RORA: variants seen among roughly 807,000 people sequenced by gnomAD.
RORA encodes the protein RAR related orphan receptor A.
RORA carries 7 observed loss-of-function variants against 69.5 expected under a neutral mutation model. That is an observed-to-expected ratio of 0.10 (90% confidence interval 0.06 to 0.19). The LOEUF (loss-of-function observed/expected upper bound fraction) is 0.19, where lower values mean the gene tolerates loss of function less well. Ranked by LOEUF, RORA falls within the 10% of genes least tolerant of loss-of-function variation. The pLI, the probability that RORA is intolerant of heterozygous loss-of-function variation, is 1.00. For synonymous variants in RORA, 261 were observed against 240.8 expected (o/e 1.08, Z -0.78); for missense variants, 457 against 663.0 (o/e 0.69, Z 3.41).
rs77547344 is a variant in RORA, at chr15:60,831,540, G to A, written c.167-152854C>T. On this transcript the variant is annotated intron_variant, in intron 1 of 10. Coordinates refer to ENST00000335670, the MANE Select transcript of RORA (RefSeq NM_134261.3). The stretch of plus-strand genomic sequence containing the variant: ...AGGCAGGTCCTTACATTTGCTATAG[G>A]TGAGTCTCCTAGAAGCTCACAGTTA... Among the ~76,000 whole-genome samples, 1,520 of 152,248 alleles carry A rather than the reference G, an allele frequency of 1.0e-2. 26 individuals carry two copies. Among genetic ancestry groups the A allele is most frequent in the African/African-American group, 0.035 (1,456 of 41,546 alleles).
rs558517999 is a variant in RORA, at chr15:60,927,519, T to A, written c.167-248833A>T. On this transcript the variant is annotated intron_variant, in intron 1 of 10. Coordinates refer to ENST00000335670, the MANE Select transcript of RORA (RefSeq NM_134261.3). ...TGACTGTGGTGGCTCATGCCTGTAG[T>A]CCCAGCACTTTGGGAGGTAGAGGTG... Among the ~76,000 whole-genome samples, 292 of 152,332 alleles carry A rather than the reference T, an allele frequency of 1.9e-3. 1 individual carries two copies. The highest frequency in any genetic ancestry group is 3.3e-3 in the Non-Finnish European group (223 of 68,016).
intron 1 of RORA, among the ~76,000 whole-genome samples, chr15:60,843,618 G>C (rs1366331141): frequency 6.6e-6 from 1 of 152,130 alleles, no homozygotes; most frequent in Non-Finnish European, 1.5e-5. Context: ...CAGTTGTCAG[G>C]AGGGGTCAAG....
chr15:60,805,741 G>A (rs1206362266), intron 1 of RORA, among the ~76,000 whole-genome samples: 1 of 152,202 alleles, frequency 6.6e-6, no homozygotes, highest in East Asian at 1.9e-4. Flanking sequence ...AAGAGCCTTG[G>A]ATTCCAGTCC....
chr15:60,707,433 G>A (rs111392682), intron 1 of RORA, among the ~76,000 whole-genome samples: 5,131 of 151,102 alleles, frequency 0.034, 167 homozygotes, highest in African/African-American at 0.088. Context: ...GCGTGATCTC[G>A]GCTCACTGCA....
chr15:61,054,506 C>T (rs539426750), intron 1 of RORA, among the ~76,000 whole-genome samples: 26 of 152,104 alleles, frequency 1.7e-4, no homozygotes, highest in Non-Finnish European at 3.1e-4. Flanking sequence ...AACCCAAAGC[C>T]CCTGGATTTC....
At chr15:60,973,193 G>GAGGAAC (rs1893774610) in intron 1 of RORA, among the ~76,000 whole-genome samples, 1 of 152,154 alleles carries the variant, frequency 6.6e-6, no homozygotes. Context: ...GAACATGAAA[G>GAGGAAC]ATGCTGAAAC....
chr15:60,960,732 G>A (rs1474117032), intron 1 of RORA, among the ~76,000 whole-genome samples: 1 of 151,264 alleles, frequency 6.6e-6, no homozygotes, highest in Non-Finnish European at 1.5e-5. Context: ...GGCCTCCAAA[G>A]GCTGGCTTCA....
chr15:60,950,566 T>C (rs1005683622), intron 1 of RORA, among the ~76,000 whole-genome samples: 2 of 140,294 alleles, frequency 1.4e-5, no homozygotes, highest in Admixed American at 7.5e-5. Flanking sequence ...GAGACACACA[T>C]AGGCTCAAAA....
Position 60,501,288 on chromosome 15 carries a change from T to C in RORA, c.1184-219A>G, listed in dbSNP as rs150264217. ...TAAAATCTTAAAAGAAAAATCTGTT[T>C]AGTCATCACCACCACTTCCATCACA... On this transcript the variant is annotated intron_variant, in intron 8 of 10. Transcript: ENST00000335670. Among the ~76,000 whole-genome samples, 19 of 152,312 alleles carry C rather than the reference T, an allele frequency of 1.2e-4. No individual in the cohort carries two copies. The East Asian group carries it at 3.7e-3, about 29-fold the overall frequency.
intron 2 of RORA, among the ~76,000 whole-genome samples, chr15:60,549,508 T>C (rs563909842): frequency 4.0e-5 from 6 of 151,636 alleles, no homozygotes; most frequent in African/African-American, 1.2e-4. Context: ...CTGCAGTTTC[T>C]CAGGATCTCA....
At chr15:60,962,296 C>G (rs932324570) in intron 1 of RORA, among the ~76,000 whole-genome samples, 16 of 152,270 alleles carry the variant, frequency 1.1e-4, no homozygotes, top group Non-Finnish European at 1.9e-4. Flanking sequence ...CCTGATGCAG[C>G]CTTTAACTCA....
At chr15:60,805,369 C>T (rs2072645960) in intron 1 of RORA, among the ~76,000 whole-genome samples, 1 of 152,164 alleles carries the variant, frequency 6.6e-6, no homozygotes, top group African/African-American at 2.4e-5. Flanking sequence ...ACTGTTGCCA[C>T]AAACAATTAA....
chr15:60,590,170 C>CCTCTCTCTCT (rs1426237027), intron 2 of RORA, among the ~76,000 whole-genome samples: 128 of 101,538 alleles, frequency 1.3e-3, no homozygotes, highest in South Asian at 9.0e-4. Context: ...TCTCCCTCTT[C>CCTCTCTCTCT]CTCTATCTCT....
At chr15:61,123,690 G>A (rs1026821040) in intron 1 of RORA, among the ~76,000 whole-genome samples, 1 of 152,132 alleles carries the variant, frequency 6.6e-6, no homozygotes, top group African/African-American at 2.4e-5. Context: ...TTTTTTAACT[G>A]TCCCTTCCCC....
intron 1 of RORA, among the ~76,000 whole-genome samples, chr15:61,028,511 C>T (rs924672678): frequency 6.6e-5 from 10 of 152,192 alleles, no homozygotes; most frequent in African/African-American, 2.4e-4. Flanking sequence ...AAAGCAGATA[C>T]AGTACCTGCC....
At chr15:61,206,509 T>C (rs1248971465) in intron 1 of RORA, among the ~76,000 whole-genome samples, 1 of 152,182 alleles carries the variant, frequency 6.6e-6, no homozygotes, top group Non-Finnish European at 1.5e-5. Context: ...GACTCCTACA[T>C]AAATCATCCT....
intron 2 of RORA, among the ~76,000 whole-genome samples, chr15:60,536,489 C>T (rs2066683713): frequency 6.6e-6 from 1 of 152,224 alleles, no homozygotes; most frequent in African/African-American, 2.4e-5. Flanking sequence ...AACATTGCTG[C>T]TTAACTGTTT....
At chr15:60,670,547 T>C (rs2070450505) in intron 2 of RORA, among the ~76,000 whole-genome samples, 1 of 152,088 alleles carries the variant, frequency 6.6e-6, no homozygotes, top group Non-Finnish European at 1.5e-5. Flanking sequence ...TCCTTGGCTA[T>C]TAACTATTTA....
intron 1 of RORA, among the ~76,000 whole-genome samples, chr15:60,941,444 A>G (rs1892694005): frequency 1.3e-5 from 2 of 152,186 alleles, no homozygotes; most frequent in Admixed American, 1.3e-4. Context: ...GCTTGTCCCA[A>G]TGTCATTGTT....
Sources: allele counts gnomAD v4.1 joint callset (sites outside exome capture counted in the v4.1 genomes callset), GRCh38; gene constraint gnomAD v4.1.1; transcripts MANE v1.5; gene names NCBI Gene and HGNC (gene_info 2026-07-23, HGNC 2026-07-21).